The following EMC3 variants were observed in gnomAD, a reference collection of about 807,000 sequenced individuals.
EMC3 encodes 30 kDa protein.
In EMC3, 13 loss-of-function variants were observed where a neutral mutation model predicts 36.6. The observed-to-expected ratio is 0.35, with a 90% CI of 0.23 to 0.56. The LOEUF (loss-of-function observed/expected upper bound fraction) is 0.56. Among genes scored for constraint, EMC3 ranks in the 20% least tolerant of loss-of-function variants. EMC3 has a pLI of 0.84. For synonymous variants in EMC3, 120 were observed against 111.9 expected (o/e 1.07, Z -0.46); for missense variants, 220 against 324.5 (o/e 0.68, Z 2.47).
intron 1 of EMC3, among the ~76,000 whole-genome samples, chr3:9,977,909 T>G (rs1279704291): frequency 6.6e-6 from 1 of 152,028 alleles, no homozygotes; most frequent in East Asian, 1.9e-4. Flanking sequence ...ATAGAAAATC[T>G]ACCCAGAAGT....
chr3:9,993,277 T>G (rs1401481888), intron 1 of EMC3, among the ~76,000 whole-genome samples: 2 of 152,232 alleles, frequency 1.3e-5, no homozygotes. Flanking sequence ...TATGGACCTA[T>G]TTGAACTATC....
chr3:9,974,857 GTTTTTTTTT>G (rs71307728), intron 3 of EMC3, among the ~76,000 whole-genome samples: 1 of 63,400 alleles, frequency 1.6e-5, no homozygotes, highest in African/African-American at 6.9e-5. Context: ...CGCACCCAGC[GTTTTTTTTT>G]TTTTTTTTTT....
upstream of EMC3, chr3:9,987,321 A>C: frequency 1.0e-6 from 1 of 985,472 alleles, no homozygotes; most frequent in South Asian, 4.7e-5. Context: ...CTGCGACCTA[A>C]TCTCTTAAGT....
rs139264363 is a variant in EMC3 at position 9,977,442 on chromosome 3, C to G, written c.160G>C (p.Val54Leu). The change falls in exon 2 of 8, where the codon GTC becomes CTC. Residue 54 changes from valine (V) to leucine (L), a missense_variant. Val to Leu is a conservative substitution (Grantham distance 32). Around this residue, in one of 3 missense-constraint regions of EMC3, gnomAD observed 127 missense variants for 174.6 expected, o/e 0.73. Coordinates refer to ENST00000245046, the MANE Select transcript of EMC3 (RefSeq NM_001394674.1). ...LTQEQVSDSQ[V>L]LIRSRVLREN... ...CTGAGGACTCTGCTTCGAATTAGGA[C>G]TTGACTGAAAAATACAACCAACACA... 15 of 1,611,850 alleles carry G rather than the reference C, an allele frequency of 9.3e-6. No homozygotes were observed. In the Admixed American group the frequency reaches 1.0e-4, roughly 11 times the overall value.
chr3:9,977,454 A>G lies in EMC3; in HGVS notation c.156-8T>C, dbSNP rs1195374780. The G allele has an allele frequency of 8.7e-6, 14 of 1,611,460 alleles. No individual in the cohort carries two copies. The highest frequency in any genetic ancestry group is 1.3e-5 in the African/African-American group (1 of 74,822). ...CTTCGAATTAGGACTTGACTGAAAAATACAACCAACACAATGAGATTTTAA... is the reference window on the plus strand; with the variant it reads ...CTTCGAATTAGGACTTGACTGAAAAGTACAACCAACACAATGAGATTTTAA... On this transcript the variant is annotated splice_polypyrimidine_tract_variant and splice_region_variant and intron_variant, in intron 1 of 7. Coordinates refer to ENST00000245046, the MANE Select transcript of EMC3 (RefSeq NM_001394674.1).
intron 1 of EMC3, among the ~76,000 whole-genome samples, chr3:9,982,159 A>G (rs969832950): frequency 5.9e-5 from 9 of 152,046 alleles, no homozygotes; most frequent in Non-Finnish European, 1.5e-5. Flanking sequence ...CATGCTGGCC[A>G]GCCTTGTCTC....
intron 1 of EMC3, among the ~76,000 whole-genome samples, chr3:9,984,229 GT>G (rs1056502233): frequency 5.5e-5 from 8 of 145,072 alleles, no homozygotes; most frequent in African/African-American, 2.1e-4. Context: ...CTACAGGCAC[GT>G]GCCATCACGC....
At chr3:9,991,112 G>C (rs1253598232), upstream of EMC3, among the ~76,000 whole-genome samples, 4 of 152,188 alleles carry the variant, frequency 2.6e-5, no homozygotes, top group Admixed American at 6.5e-5. Context: ...ACAGGTGTGA[G>C]CCACCGCGCC....
At position 9,977,465 on chromosome 3, in the gene EMC3, A is replaced by G. The variant is rs1157237797; in HGVS notation, c.156-19T>C. On this transcript the variant is annotated intron_variant, in intron 1 of 7. Coordinates refer to ENST00000245046, the MANE Select transcript of EMC3 (RefSeq NM_001394674.1). ...GACTTGACTGAAAAATACAACCAAC[A>G]CAATGAGATTTTAAAAAGTGAAACA... 6.2e-7 allele frequency: 1 copy of G among 1,606,370 alleles called. No individual in the cohort carries two copies. The highest frequency in any genetic ancestry group is 1.3e-5 in the African/African-American group (1 of 74,388).
intron 2 of EMC3, 142 bp from the exon 3 acceptor site, chr3:9,977,192 G>T: frequency 1.2e-6 from 1 of 862,274 alleles, no homozygotes; most frequent in Non-Finnish European, 1.8e-6. Context: ...CAGGCGACCT[G>T]ACACTTTAGC....
chr3:9,986,940 G>A, upstream of EMC3: 1 of 1,212,140 alleles, frequency 8.2e-7, no homozygotes, highest in Non-Finnish European at 1.0e-6. Flanking sequence ...GGTGGCCCAG[G>A]CTCGGTGGCT....
At chr3:9,990,958 A>C (rs912329237), upstream of EMC3, among the ~76,000 whole-genome samples, 6 of 151,994 alleles carry the variant, frequency 3.9e-5, no homozygotes, top group Non-Finnish European at 7.4e-5. Flanking sequence ...CCTCCTGAGT[A>C]GTTGGGACTA....
Position 9,986,745 on chromosome 3 carries a change from G to A in EMC3, c.-84C>T. On this transcript the variant is annotated 5_prime_UTR_variant, in exon 1 of 8. Transcript: ENST00000245046. Reference sequence around the variant, plus strand: ...GTTGCTTCTCTTCGGCTTCGCCTCCGGGCCTTCTCAAGCCCCTTTGCCCGT... The same window carrying A: ...GTTGCTTCTCTTCGGCTTCGCCTCCAGGCCTTCTCAAGCCCCTTTGCCCGT... The A allele has an allele frequency of 1.9e-6, 3 of 1,574,514 alleles. No homozygotes were observed. Among genetic ancestry groups the A allele is most frequent in the South Asian group, 1.2e-5 (1 of 85,130 alleles).
chr3:9,995,991 G>C (rs996727276), intron 1 of EMC3, among the ~76,000 whole-genome samples: 15 of 152,084 alleles, frequency 9.9e-5, no homozygotes, highest in Non-Finnish European at 1.9e-4. Context: ...TGATACATTA[G>C]ATCCTCTGCC....
rs1553602260 is a variant in EMC3, at chr3:9,963,478, T to TATATA, written c.*590_*591insTATAT. On this transcript the variant is annotated 3_prime_UTR_variant, in exon 8 of 8. Coordinates refer to ENST00000245046, the MANE Select transcript of EMC3 (RefSeq NM_001394674.1). ...AGATATATATATATATATATATATA[T>TATATA]TTTTTTTTTTTTTTCAGATGGAGTT... 60 of 34,508 alleles carry TATATA rather than the reference T, an allele frequency of 1.7e-3. No homozygotes were observed. The highest frequency in any genetic ancestry group is 2.7e-3 in the Non-Finnish European group (34 of 12,826). The allele number at this position is 34,508 out of a possible 1,614,324, so 2.1% of individuals were successfully genotyped here. A position where few individuals can be genotyped will look rare whatever the true frequency, so the allele number is the denominator to read the frequency against.
chr3:10,003,101 G>C (rs1330811627), intron 1 of EMC3: 2 of 456,598 alleles, frequency 4.4e-6, no homozygotes, highest in Non-Finnish European at 8.8e-6. Flanking sequence ...AGCAGCAGTG[G>C]TGCAGACCCA....
Position 9,974,567 on chromosome 3 carries a change from GT to G in EMC3, c.308-80del, listed in dbSNP as rs962822349. On this transcript the variant is annotated intron_variant, in intron 3 of 7. Coordinates refer to ENST00000245046, the MANE Select transcript of EMC3 (RefSeq NM_001394674.1). ...ACTTTCTCCTGATTTTCTGTAAACT[GT>G]TTTTTTTTGAGACGGAGTCCCGCTC... The G allele has an allele frequency of 3.1e-4, 296 of 968,210 alleles. 2 individuals carry two copies. Among genetic ancestry groups the G allele is most frequent in the South Asian group, 1.0e-3 (76 of 72,658 alleles). The allele number at this position is 968,210 out of a possible 1,614,324, so 60.0% of individuals were successfully genotyped here.
Position 9,977,317 on chromosome 3 carries a change from C to G in EMC3, c.213+72G>C, listed in dbSNP as rs937739981. The stretch of plus-strand genomic sequence containing the variant: ...AACCTTTAGCTTTCCCCAGAGCCCC[C>G]TTATAAAACATTCAGATATCTACTG... On this transcript the variant is annotated intron_variant, in intron 2 of 7. Transcript: ENST00000245046. 5 of 1,424,898 alleles carry G rather than the reference C, an allele frequency of 3.5e-6. No homozygotes were observed. The African/African-American group carries it at 7.1e-5, about 20-fold the overall frequency. The allele number at this position is 1,424,898 out of a possible 1,614,324, so 88.3% of individuals were successfully genotyped here.
chr3:9,972,179 C>T (rs1279343561), intron 5 of EMC3, among the ~76,000 whole-genome samples: 3 of 151,880 alleles, frequency 2.0e-5, no homozygotes, highest in African/African-American at 7.3e-5. Context: ...AACGCTAAGC[C>T]CAGTGACTAG....
Sources: allele counts gnomAD v4.1 joint callset (sites outside exome capture counted in the v4.1 genomes callset), GRCh38; gene constraint gnomAD v4.1.1; regional missense constraint gnomAD v4.1.1; transcripts MANE v1.5; gene names NCBI Gene and HGNC (gene_info 2026-07-23, HGNC 2026-07-21).